SDF2: variants seen among roughly 807,000 people sequenced by gnomAD.
SDF2 encodes the protein stromal cell-derived factor 2.
A neutral mutation model predicts 20.5 loss-of-function variants in SDF2; 12 were observed. The ratio of observed to expected loss-of-function variants is 0.58; its 90% CI spans 0.37 to 0.95. The LOEUF (loss-of-function observed/expected upper bound fraction) is 0.95. SDF2 is among the 40% of genes least tolerant of loss of function. The probability of loss-of-function intolerance (pLI) is 0.01; values close to 1 mark genes in which losing one functional copy is unlikely to be tolerated. For synonymous variants in SDF2, 100 were observed against 101.0 expected (o/e 0.99, Z 0.06); for missense variants, 238 against 263.1 (o/e 0.90, Z 0.66).
At chr17:28,657,034 C>T (rs2071969430) in intron 1 of SDF2, among the ~76,000 whole-genome samples, 1 of 152,072 alleles carries the variant, frequency 6.6e-6, no homozygotes, top group South Asian at 2.1e-4. Context: ...CGAGACCAGC[C>T]TGGCCAATAT....
rs542077024 is a variant in SDF2, at chr17:28,658,256, T to C, written c.152-2773A>G. On this transcript the variant is annotated intron_variant, in intron 1 of 2. Transcript: ENST00000247020. Reference sequence around the variant, plus strand: ...CTTCATCTGTTTCTACCTGTAGTTTTTTTTTTTTTTTTTAGTATTTATTGT... The same window carrying C: ...CTTCATCTGTTTCTACCTGTAGTTTCTTTTTTTTTTTTTAGTATTTATTGT... Among the ~76,000 whole-genome samples the C allele has an allele frequency of 2.9e-4, 44 of 152,140 alleles. 1 individual carries two copies. Among genetic ancestry groups the C allele is most frequent in the African/African-American group, 9.6e-4 (40 of 41,536 alleles).
At chr17:28,661,968 G>T, upstream of SDF2, 1 of 1,439,998 alleles carries the variant, frequency 6.9e-7, no homozygotes, top group Non-Finnish European at 9.5e-7. Context: ...AGAGAAGGAA[G>T]TGAAGAAGCC....
At chr17:28,652,180 T>TC (rs1334225107) in intron 2 of SDF2, among the ~76,000 whole-genome samples, 3 of 151,548 alleles carry the variant, frequency 2.0e-5, no homozygotes, top group African/African-American at 7.3e-5. Flanking sequence ...AGAACCCATC[T>TC]TAAAAAAAAA....
chr17:28,652,093 C>T (rs750754812), intron 2 of SDF2, among the ~76,000 whole-genome samples: 7 of 151,962 alleles, frequency 4.6e-5, no homozygotes, highest in Admixed American at 6.6e-5. Context: ...ACTGCTTGAG[C>T]CAAGGAGTTC....
intron 1 of SDF2, chr17:28,660,399 C>T (rs978650402): frequency 3.3e-4 from 51 of 152,368 alleles, no homozygotes; most frequent in African/African-American, 1.2e-3. Context: ...ATTTCATCTA[C>T]AACCCTGACA....
chr17:28,659,823 A>G (rs1259607341), intron 1 of SDF2, among the ~76,000 whole-genome samples: 1 of 151,644 alleles, frequency 6.6e-6, no homozygotes, highest in African/African-American at 2.4e-5. Context: ...GACGCTCCTC[A>G]CTTCCTAGAC....
rs1042196661 is a variant in SDF2 at position 28,657,302 on chromosome 17, G to A, written c.152-1819C>T. Among the ~76,000 whole-genome samples the A allele has an allele frequency of 7.9e-5, 12 of 152,102 alleles. No homozygotes were observed. In the South Asian group the frequency reaches 1.0e-3, roughly 13 times the overall value. ...AGTGGCTCATGCCTGTAATCCAAGC[G>A]CTTTGGGAAGGTGAGGGGAGGATCC... On this transcript the variant is annotated intron_variant, in intron 1 of 2. Coordinates refer to ENST00000247020, the MANE Select transcript of SDF2 (RefSeq NM_006923.4).
chr17:28,654,422 G>A (rs2071938871), intron 2 of SDF2, among the ~76,000 whole-genome samples: 1 of 150,168 alleles, frequency 6.7e-6, no homozygotes, highest in Admixed American at 6.7e-5. Flanking sequence ...CAGAACTTAT[G>A]ATATGCTGAT....
At chr17:28,660,092 A>C (rs1004896523) in intron 1 of SDF2, among the ~76,000 whole-genome samples, 1 of 152,216 alleles carries the variant, frequency 6.6e-6, no homozygotes, top group Admixed American at 6.5e-5. Flanking sequence ...TACGAAAACC[A>C]GTCAGGCATG....
At position 28,649,272 on chromosome 17, in the gene SDF2, A is replaced by G; in HGVS notation, c.353T>C (p.Val118Ala). Residue 118 changes from valine to alanine, a missense_variant, in exon 3 of 3, where the codon GTG becomes GCG. Physicochemically the swap from Val to Ala is moderately conservative, Grantham distance 64. Coordinates refer to ENST00000247020, the MANE Select transcript of SDF2 (RefSeq NM_006923.4). The part of the protein sequence containing the change: ...FTSPLSGNQE[V>A]SAFGEEGEGD... ...TTCACCTTCCTCACCAAAAGCACTC[A>G]CTTCCTAGAAAATACAGAAGGTAGT... 4.3e-6 allele frequency: 7 copies of G among 1,613,162 alleles called. No homozygotes were observed. Among genetic ancestry groups the G allele is most frequent in the Non-Finnish European group, 5.9e-6 (7 of 1,179,716 alleles).
chr17:28,662,080 G>C, upstream of SDF2: 1 of 513,928 alleles, frequency 1.9e-6, no homozygotes, highest in South Asian at 3.1e-5. Flanking sequence ...CTCAGTGACA[G>C]CTGCCTTCCT....
chr17:28,659,019 G>T (rs960525160), intron 1 of SDF2, among the ~76,000 whole-genome samples: 6 of 150,486 alleles, frequency 4.0e-5, no homozygotes, highest in Non-Finnish European at 8.9e-5. Context: ...CCCAGACGGG[G>T]CGGCCGTGCA....
intron 2 of SDF2, among the ~76,000 whole-genome samples, chr17:28,652,510 A>G (rs1284956504): frequency 6.6e-6 from 1 of 152,144 alleles, no homozygotes; most frequent in Non-Finnish European, 1.5e-5. Flanking sequence ...GGGTTTCACC[A>G]TGTTAGCCAG....
At chr17:28,662,014 G>T, upstream of SDF2, 1 of 1,030,668 alleles carries the variant, frequency 9.7e-7, no homozygotes. Context: ...GACTAGAGCG[G>T]CCTGAGAAAC....
intron 1 of SDF2, chr17:28,661,313 G>A (rs1297369629): frequency 2.8e-6 from 1 of 357,816 alleles, no homozygotes; most frequent in East Asian, 7.8e-5. Flanking sequence ...TTCAGACACA[G>A]CACTTACTGT....
rs2151582807 is a variant in SDF2 at position 28,655,450 on chromosome 17, G to A, written c.185C>T (p.Ser62Phe). 2 of 1,613,466 alleles carry A rather than the reference G, an allele frequency of 1.2e-6. No homozygotes were observed. The highest frequency in any genetic ancestry group is 2.2e-5 in the South Asian group (2 of 90,956). Residue 62 changes from serine to phenylalanine, a missense_variant, in exon 2 of 3, where the codon TCT becomes TTT. Transcript: ENST00000247020. ...SGQQSVTGVT[S>F]VDDSNSYWRI... The stretch of plus-strand genomic sequence containing the variant: ...CCAGTAACTGTTGCTGTCATCCACA[G>A]AGGTTACACCTGTCACTGACTGCTG...
chr17:28,652,991 GAATA>G (rs1027043498), intron 2 of SDF2, among the ~76,000 whole-genome samples: 12 of 152,036 alleles, frequency 7.9e-5, no homozygotes, highest in Non-Finnish European at 1.8e-4. Flanking sequence ...GTAAATAACT[GAATA>G]AATAAATAAA....
At chr17:28,656,021 A>C (rs2071959172) in intron 1 of SDF2, 1 of 153,848 alleles carries the variant, frequency 6.5e-6, no homozygotes, top group African/African-American at 2.4e-5. Context: ...AAAAAAAAAA[A>C]CAGCAAGTGA....
rs774150039 is a variant in SDF2, at chr17:28,649,166, A to G, written c.459T>C (p.Ser153=). The change falls in exon 3 of 3, where the codon TCT becomes TCC. Residue 153 remains serine, a synonymous_variant. Coordinates refer to ENST00000247020, the MANE Select transcript of SDF2 (RefSeq NM_006923.4). ...TGACAGACAGCAGTACCTCAGTGGA[A>G]GAGTGTTTGAACCGCACCTCACCAT... ...VRDGEVRFKH[S]STEVLLSVTG... The G allele has an allele frequency of 1.2e-6, 2 of 1,614,224 alleles. No individual in the cohort carries two copies. Among genetic ancestry groups the G allele is most frequent in the Non-Finnish European group, 1.7e-6 (2 of 1,180,044 alleles).
Sources: allele counts gnomAD v4.1 joint callset (sites outside exome capture counted in the v4.1 genomes callset), GRCh38; gene constraint gnomAD v4.1.1; transcripts MANE v1.5; gene names NCBI Gene and HGNC (gene_info 2026-07-23, HGNC 2026-07-21).